MYO5B: variants seen among roughly 807,000 people sequenced by gnomAD.
The protein encoded by MYO5B is myosin VB.
MYO5B carries 143 observed loss-of-function variants against 229.3 expected under a neutral mutation model. The observed-to-expected ratio is 0.62, with a 90% CI of 0.54 to 0.72. The LOEUF (loss-of-function observed/expected upper bound fraction) is 0.72, where lower values mean the gene tolerates loss of function less well. Among genes scored for constraint, MYO5B ranks in the 30% least tolerant of loss-of-function variants. The pLI, the probability that MYO5B is intolerant of heterozygous loss-of-function variation, is 0.00. For missense variants in MYO5B, 2,321 were observed against 2,331.0 expected (o/e 1.00, Z 0.09); for synonymous variants, 918 against 885.2 (o/e 1.04, Z -0.66).
intron 1 of MYO5B, among the ~76,000 whole-genome samples, chr18:50,162,370 G>A (rs545410206): frequency 5.3e-4 from 75 of 141,876 alleles, no homozygotes; most frequent in African/African-American, 1.8e-3. Context: ...TAGGAATCCC[G>A]GCGCCCAGTT....
chr18:50,016,593 T>A (rs1316041466), intron 4 of MYO5B, among the ~76,000 whole-genome samples: 1 of 152,224 alleles, frequency 6.6e-6, no homozygotes, highest in Non-Finnish European at 1.5e-5. Context: ...GAGACATTTT[T>A]CTTGTCCACC....
intron 17 of MYO5B, among the ~76,000 whole-genome samples, chr18:49,918,655 G>A (rs1430242068): frequency 6.6e-6 from 1 of 152,174 alleles, no homozygotes; most frequent in Admixed American, 6.5e-5. Context: ...TCCCTACAAG[G>A]TCTCACATGG....
intron 4 of MYO5B, 129 bp from the exon 5 acceptor site, chr18:50,001,540 G>T: frequency 8.5e-7 from 1 of 1,171,002 alleles, no homozygotes; most frequent in Non-Finnish European, 1.3e-6. Flanking sequence ...AAACGCAGAG[G>T]AACAGTGTAA....
At chr18:49,928,612 C>T (rs2025155469) in intron 17 of MYO5B, among the ~76,000 whole-genome samples, 2 of 152,174 alleles carry the variant, frequency 1.3e-5, no homozygotes, top group South Asian at 4.1e-4. Flanking sequence ...CCACTGCACT[C>T]CCACTATTGG....
chr18:49,854,170 C>G (rs1012141393), intron 30 of MYO5B, among the ~76,000 whole-genome samples: 6 of 152,210 alleles, frequency 3.9e-5, no homozygotes, highest in Admixed American at 1.3e-4. Context: ...ACCATTATTA[C>G]TAGCCCCATT....
At chr18:50,108,982 C>T (rs558044152) in intron 1 of MYO5B, among the ~76,000 whole-genome samples, 2 of 152,142 alleles carry the variant, frequency 1.3e-5, no homozygotes, top group Admixed American at 6.5e-5. Context: ...CTGAACCAGG[C>T]TCCAAGAAGA....
intron 7 of MYO5B, among the ~76,000 whole-genome samples, chr18:49,989,433 T>C (rs181287425): frequency 5.1e-4 from 77 of 152,238 alleles, no homozygotes; most frequent in African/African-American, 1.7e-3. Flanking sequence ...TCTGCTAGTA[T>C]TGGACCTCCC....
chr18:49,863,539 C>T (rs952664027), intron 28 of MYO5B, among the ~76,000 whole-genome samples: 3 of 152,176 alleles, frequency 2.0e-5, no homozygotes, highest in Non-Finnish European at 4.4e-5. Flanking sequence ...GACAGAGCTG[C>T]ATGTGGGGCG....
intron 1 of MYO5B, among the ~76,000 whole-genome samples, chr18:50,092,149 G>A (rs796234133): frequency 1.7e-4 from 26 of 152,238 alleles, no homozygotes; most frequent in African/African-American, 5.8e-4. Context: ...CAGAAACAAA[G>A]AAGAATCCAA....
intron 17 of MYO5B, among the ~76,000 whole-genome samples, chr18:49,918,967 T>G (rs1044276899): frequency 6.6e-6 from 1 of 152,204 alleles, no homozygotes; most frequent in African/African-American, 2.4e-5. Context: ...ATCCTTAACC[T>G]GTGGACATGC....
At chr18:49,863,437 A>C in intron 28 of MYO5B, 110 bp from the exon 29 acceptor site, 1 of 893,824 alleles carries the variant, frequency 1.1e-6, no homozygotes, top group Non-Finnish European at 1.8e-6. Context: ...AAGGCCTGGA[A>C]AGAACAGAGA....
At chr18:50,159,320 T>C (rs1477896338) in intron 1 of MYO5B, among the ~76,000 whole-genome samples, 1 of 152,194 alleles carries the variant, frequency 6.6e-6, no homozygotes, top group African/African-American at 2.4e-5. Flanking sequence ...TTTCTAACTC[T>C]GATATTTGAT....
intron 26 of MYO5B, among the ~76,000 whole-genome samples, chr18:49,873,282 GGT>G (rs1260848232): frequency 6.6e-6 from 1 of 152,196 alleles, no homozygotes; most frequent in Non-Finnish European, 1.5e-5. Flanking sequence ...TCAAGTAGTG[GGT>G]GTTAGTCCCT....
intron 17 of MYO5B, among the ~76,000 whole-genome samples, chr18:49,918,179 G>A (rs931848953): frequency 4.6e-5 from 7 of 152,300 alleles, no homozygotes; most frequent in South Asian, 4.1e-4. Context: ...CCATCTGCAC[G>A]TGCAAATATT....
In MYO5B at chr18:50,012,560, T is replaced by C. The variant is rs1466590094; in HGVS notation, c.456-11149A>G. ...GATGTAGACTGGTCAGCTTTGGATG[T>C]CCGAGGTACACAGATGCACAAGCAT... is the stretch of plus-strand genomic sequence containing the variant. On this transcript the variant is annotated intron_variant, in intron 4 of 39. Transcript: ENST00000285039. 2.6e-5 allele frequency among the ~76,000 whole-genome samples: 4 copies of C among 152,360 alleles called. No individual in the cohort carries two copies. In the East Asian group the frequency reaches 7.7e-4, roughly 29 times the overall value.
At chr18:50,130,560 C>T (rs569160856) in intron 1 of MYO5B, among the ~76,000 whole-genome samples, 12 of 152,126 alleles carry the variant, frequency 7.9e-5, no homozygotes, top group Admixed American at 1.3e-4. Context: ...AGAATGAGAA[C>T]GAGCAATATC....
intron 14 of MYO5B, among the ~76,000 whole-genome samples, chr18:49,943,203 C>A (rs866514292): frequency 3.9e-4 from 45 of 114,230 alleles, no homozygotes; most frequent in African/African-American, 1.5e-3. Flanking sequence ...ACATCACACA[C>A]TGGGGACTGT....
intron 1 of MYO5B, chr18:50,098,707 C>G (rs1176879576): frequency 6.6e-6 from 1 of 152,238 alleles, no homozygotes; most frequent in Non-Finnish European, 1.5e-5. Context: ...ATGTAGTAAG[C>G]TCCTCTGTAT....
At chr18:50,095,728 C>G (rs1441812949) in intron 1 of MYO5B, among the ~76,000 whole-genome samples, 1 of 152,206 alleles carries the variant, frequency 6.6e-6, no homozygotes, top group Non-Finnish European at 1.5e-5. Flanking sequence ...CTACTCTAAC[C>G]ACCCATGTGA....
Sources: gnomAD v4.1 joint callset for allele counts (sites outside exome capture counted in the v4.1 genomes callset) on GRCh38, gnomAD v4.1.1 for gene constraint, MANE v1.5 for transcripts, NCBI Gene and HGNC (gene_info 2026-07-23, HGNC 2026-07-21) for gene names.